Variants in GALNT9 observed in about 807,000 individuals in gnomAD.
GALNT9 encodes GalNAc transferase 9.
GALNT9 carries 47 observed loss-of-function variants against 63.1 expected under a neutral mutation model. The observed-to-expected ratio is 0.75, with a 90% confidence interval of 0.59 to 0.95. GALNT9 has a LOEUF of 0.95. GALNT9 is among the 40% of genes least tolerant of loss of function. The probability of loss-of-function intolerance (pLI) is 0.00; values close to 1 mark genes in which losing one functional copy is unlikely to be tolerated. For missense variants in GALNT9, 829 were observed against 874.8 expected, an observed-to-expected ratio of 0.95 and a Z score of 0.66; for synonymous variants, 396 against 365.7, an observed-to-expected ratio of 1.08 and a Z score of -0.94.
At chr12:132,247,783 A>G (rs1565999026) in intron 6 of GALNT9, 127 bp downstream of exon 6, 1 of 1,257,616 alleles carries the variant, frequency 8.0e-7, no homozygotes, top group Admixed American at 2.3e-5. Flanking sequence ...CCATCCCCGG[A>G]CGCTGCAGCC....
At chr12:132,258,389 G>A (rs73469883) in intron 4 of GALNT9, among the ~76,000 whole-genome samples, 2,213 of 152,358 alleles carry the variant, frequency 0.015, 54 homozygotes, top group African/African-American at 0.05. Flanking sequence ...AACAATCCGT[G>A]CCACGGGGAG....
At chr12:132,267,930 C>G (rs542764661) in intron 2 of GALNT9, among the ~76,000 whole-genome samples, 42 of 144,398 alleles carry the variant, frequency 2.9e-4, no homozygotes, top group African/African-American at 9.4e-4. Context: ...CACACACATG[C>G]ACACACACAC....
At chr12:132,271,244 C>T (rs540911985) in intron 2 of GALNT9, among the ~76,000 whole-genome samples, 3 of 151,344 alleles carry the variant, frequency 2.0e-5, no homozygotes, top group Admixed American at 6.6e-5. Flanking sequence ...TGCCAGCCGA[C>T]GAAACTCCAG....
At chr12:132,260,907 G>T (rs1241963515) in intron 4 of GALNT9, 41 bp downstream of exon 4, 10 of 1,480,728 alleles carry the variant, frequency 6.8e-6, no homozygotes, top group South Asian at 1.4e-5. Context: ...GGTGGAGGGG[G>T]ACCCGCTGAG....
rs1310663405 is a variant in GALNT9 at position 132,286,349 on chromosome 12, C to A, written c.320G>T (p.Gly107Val). Residue 107 changes from glycine (G) to valine (V), a missense_variant, in exon 2 of 11, where the codon GGC (glycine) becomes GTC (valine). Transcript: ENST00000328957. The surrounding 1 kb of genome is among the most constrained non-coding windows in gnomAD (Gnocchi z 7.4). ...GGLAATLRDD[G>V]QEAEGKYEEY... ...CTCATACTTGCCTTCCGCCTCCTGG[C>A]CGTCATCACGCAGGGTGGCCGCCAA... The A allele has an allele frequency of 1.9e-6, 3 of 1,550,884 alleles. No homozygotes were observed. Among genetic ancestry groups the A allele is most frequent in the Non-Finnish European group, 2.6e-6 (3 of 1,146,876 alleles).
Position 132,203,532 on chromosome 12 carries a change from C to T in GALNT9, c.1236G>A (p.Val412=), listed in dbSNP as rs1028107111. The T allele has an allele frequency of 1.9e-6, 3 of 1,613,800 alleles. No homozygotes were observed. The highest frequency in any genetic ancestry group is 1.3e-5 in the African/African-American group (1 of 74,948). Residue 412 remains valine (V), a synonymous_variant, in exon 7 of 11, where the codon GTG becomes GTA. Coordinates refer to ENST00000328957, the MANE Select transcript of GALNT9 (RefSeq NM_001122636.2). The part of the protein sequence containing the change: ...EVWMDDFKSH[V]YMAWNIPMSN... Reference sequence around the variant, plus strand: ...ACATGGGGATGTTCCAGGCCATGTACACGTGGGACTTGAAGTCATCCATCC... The same window carrying T: ...ACATGGGGATGTTCCAGGCCATGTATACGTGGGACTTGAAGTCATCCATCC...
Position 132,203,631 on chromosome 12 carries a change from C to T in GALNT9, c.1137G>A (p.Glu379=). ...CGTTGTTGTAGGGCTTCCTGGTGCG[C>T]TCGATGTGGGCCACGCGGGAGCAGG... The part of the protein sequence containing the change: ...VLPCSRVAHI[E]RTRKPYNNDI... The change falls in exon 7 of 11, where the codon GAG becomes GAA. Residue 379 remains glutamate (E), a synonymous_variant. Coordinates refer to ENST00000328957, the MANE Select transcript of GALNT9 (RefSeq NM_001122636.2). 5.6e-6 allele frequency: 9 copies of T among 1,613,946 alleles called. No individual in the cohort carries two copies. The highest frequency in any genetic ancestry group is 7.6e-6 in the Non-Finnish European group (9 of 1,179,864).
At chr12:132,285,513 C>T (rs1356056415) in intron 2 of GALNT9, among the ~76,000 whole-genome samples, 3 of 152,256 alleles carry the variant, frequency 2.0e-5, no homozygotes, top group African/African-American at 2.4e-5. Context: ...AAAGCCGTGG[C>T]GGCCAGGGCC....
chr12:132,214,241 C>G (rs1177983477), intron 6 of GALNT9, among the ~76,000 whole-genome samples: 1 of 152,202 alleles, frequency 6.6e-6, no homozygotes, highest in Non-Finnish European at 1.5e-5. Flanking sequence ...ACCAGGCCAG[C>G]GACTCCGCCC....
At chr12:132,241,237 A>C (rs2136901043) in intron 6 of GALNT9, among the ~76,000 whole-genome samples, 1 of 67,190 alleles carries the variant, frequency 1.5e-5, no homozygotes, top group Non-Finnish European at 2.9e-5. Flanking sequence ...CCCTCCCTAT[A>C]CCCATTACAC....
chr12:132,239,913 C>A (rs1878177829), intron 6 of GALNT9, among the ~76,000 whole-genome samples: 1 of 151,958 alleles, frequency 6.6e-6, no homozygotes, highest in Non-Finnish European at 1.5e-5. Flanking sequence ...AGAGGGGAAT[C>A]ATTTCTTGTG....
At chr12:132,235,453 C>A (rs1173894482) in intron 6 of GALNT9, among the ~76,000 whole-genome samples, 1 of 151,966 alleles carries the variant, frequency 6.6e-6, no homozygotes, top group Non-Finnish European at 1.5e-5. Context: ...TTGGGGGGCA[C>A]CGGCTGCGGG....
At position 132,256,602 on chromosome 12, in the gene GALNT9, GTGGAGGGGGAACAC is replaced by G. The variant is rs1249294592; in HGVS notation, c.959+1073_959+1086del. On this transcript the variant is annotated intron_variant, in intron 5 of 10. Coordinates refer to ENST00000328957, the MANE Select transcript of GALNT9 (RefSeq NM_001122636.2). ...CTGGAGGGGACAGTGGAGGGGGACAGTGGAGGGGGAACACTGGAGGGGGAACACTGGGGGGACGC... is the reference window on the plus strand; with the variant it reads ...CTGGAGGGGACAGTGGAGGGGGACAGTGGAGGGGGAACACTGGGGGGACGC... Among the ~76,000 whole-genome samples the G allele has an allele frequency of 9.2e-5, 11 of 119,774 alleles. 2 individuals are homozygous for G. The highest frequency in any genetic ancestry group is 8.0e-3 in the Middle Eastern group (2 of 250). 78.6% of individuals were successfully genotyped at this position (119,774 alleles called of 152,430 possible).
intron 1 of GALNT9, among the ~76,000 whole-genome samples, chr12:132,303,498 C>T: frequency 8.4e-6 from 1 of 119,388 alleles, no homozygotes; most frequent in East Asian, 2.5e-4. Flanking sequence ...ATCGCCCAGA[C>T]ACACCCTCGC....
rs374308098 is a variant in GALNT9 at position 132,264,409 on chromosome 12, C to T, written c.420-1784G>A. 5.3e-5 allele frequency among the ~76,000 whole-genome samples: 8 copies of T among 152,378 alleles called. No homozygotes were observed. The South Asian group carries it at 1.7e-3, about 32-fold the overall frequency. ...AGCAGGAAGGGGGCTGGTGGCTCAT[C>T]CGTAGGAAAAGTCCAGGTGTGTTTG... is the stretch of plus-strand genomic sequence containing the variant. On this transcript the variant is annotated intron_variant, in intron 2 of 10. Transcript: ENST00000328957.
chr12:132,206,805 T>TGAGTGC (rs1428529129), intron 6 of GALNT9, among the ~76,000 whole-genome samples: 2 of 152,100 alleles, frequency 1.3e-5, no homozygotes, highest in Non-Finnish European at 2.9e-5. Flanking sequence ...GCGGCTGACC[T>TGAGTGC]GAGTGCGGCA....
intron 1 of GALNT9, among the ~76,000 whole-genome samples, chr12:132,307,134 G>T (rs1555244731): frequency 6.6e-6 from 1 of 152,152 alleles, no homozygotes. Flanking sequence ...CTTGGCATGT[G>T]TGTCTGGGGC....
rs114879234 is a variant in GALNT9 at position 132,251,021 on chromosome 12, G to C, written c.960-2994C>G. 4.8e-3 allele frequency among the ~76,000 whole-genome samples: 730 copies of C among 152,288 alleles called. 7 individuals carry two copies. Among genetic ancestry groups the C allele is most frequent in the African/African-American group, 0.017 (703 of 41,548 alleles). The stretch of plus-strand genomic sequence containing the variant: ...ACAATCCACGGAGAAGCTAAGACAA[G>C]GGCACCGGAGCCGCGTCCTTCCACA... On this transcript the variant is annotated intron_variant, in intron 5 of 10. Transcript: ENST00000328957.
chr12:132,196,490 G>A lies in GALNT9; in HGVS notation c.*617C>T. The stretch of plus-strand genomic sequence containing the variant: ...GCCCCAACCCCCAGCTCGGCTCCCA[G>A]GAAGACACACACAGTGCTGCTGCCT... On this transcript the variant is annotated 3_prime_UTR_variant, in exon 11 of 11. Transcript: ENST00000328957. The A allele has an allele frequency of 1.0e-6, 1 of 985,576 alleles. No homozygotes were observed. The highest frequency in any genetic ancestry group is 1.2e-6 in the Non-Finnish European group (1 of 830,030). 61.1% of individuals were successfully genotyped at this position (985,576 alleles called of 1,614,324 possible).
Sources: gnomAD v4.1 joint callset for allele counts (sites outside exome capture counted in the v4.1 genomes callset) on GRCh38, gnomAD v4.1.1 for gene constraint, Gnocchi (gnomAD v3.1) non-coding constraint, MANE v1.5 for transcripts, NCBI Gene and HGNC (gene_info 2026-07-23, HGNC 2026-07-21) for gene names.